Variants in ATF7IP observed in about 807,000 individuals in gnomAD.
The protein encoded by ATF7IP is activating transcription factor 7 interacting protein, also known as activating transcription factor 7-interacting protein 1.
ATF7IP carries 23 observed loss-of-function variants against 106.4 expected under a neutral mutation model. That is an observed-to-expected ratio of 0.22 (90% CI 0.16 to 0.31). ATF7IP has a LOEUF of 0.31. Among genes scored for constraint, ATF7IP ranks in the 10% least tolerant of loss-of-function variants. The probability of loss-of-function intolerance (pLI) is 1.00; values close to 1 mark genes in which losing one functional copy is unlikely to be tolerated. For synonymous variants in ATF7IP, 542 were observed against 539.0 expected (o/e 1.01, Z -0.08); for missense variants, 1,334 against 1,524.3 (o/e 0.88, Z 2.08).
intron 10 of ATF7IP, among the ~76,000 whole-genome samples, chr12:14,474,190 T>G (rs766708075): frequency 3.9e-5 from 6 of 151,958 alleles, no homozygotes; most frequent in Non-Finnish European, 8.8e-5. Flanking sequence ...TGTTTTTCTT[T>G]GTGTCCTATG....
intron 1 of ATF7IP, among the ~76,000 whole-genome samples, chr12:14,375,745 T>C (rs144324275): frequency 6.6e-6 from 1 of 152,336 alleles, no homozygotes; most frequent in African/African-American, 2.4e-5. Context: ...TGATTAGATA[T>C]ATAAAATGCT....
intron 1 of ATF7IP, chr12:14,369,321 T>G (rs1938437738): frequency 6.6e-6 from 1 of 152,100 alleles, no homozygotes; most frequent in South Asian, 2.1e-4. Flanking sequence ...TTACCTGTTG[T>G]AAGGTGAATT....
At chr12:14,435,416 G>A (rs890057086) in intron 3 of ATF7IP, among the ~76,000 whole-genome samples, 4 of 152,128 alleles carry the variant, frequency 2.6e-5, no homozygotes, top group African/African-American at 9.7e-5. Flanking sequence ...GAGCATTTGC[G>A]TTTAAAAAGT....
intron 1 of ATF7IP, among the ~76,000 whole-genome samples, chr12:14,423,224 G>A (rs886389866): frequency 1.3e-5 from 2 of 151,840 alleles, no homozygotes; most frequent in African/African-American, 2.4e-5. Flanking sequence ...TTTAAATTGG[G>A]TGATTTATTA....
chr12:14,496,691 G>A (rs1021223750), intron 14 of ATF7IP, among the ~76,000 whole-genome samples: 1 of 152,076 alleles, frequency 6.6e-6, no homozygotes, highest in Non-Finnish European at 1.5e-5. Flanking sequence ...TCTAAACTAT[G>A]CCACATCTAA....
chr12:14,466,873 C>T (rs1943854290), intron 10 of ATF7IP, among the ~76,000 whole-genome samples: 1 of 152,100 alleles, frequency 6.6e-6, no homozygotes, highest in African/African-American at 2.4e-5. Flanking sequence ...TTTGCCTTTA[C>T]ATACTGTAAA....
At chr12:14,450,248 C>T (rs1943148023) in intron 6 of ATF7IP, among the ~76,000 whole-genome samples, 1 of 152,140 alleles carries the variant, frequency 6.6e-6, no homozygotes, top group Admixed American at 6.5e-5. Context: ...AATTCCTGAT[C>T]TTAGAAGGAA....
intron 13 of ATF7IP, among the ~76,000 whole-genome samples, chr12:14,494,416 A>T (rs1467337177): frequency 7.0e-6 from 1 of 142,684 alleles, no homozygotes; most frequent in Non-Finnish European, 1.5e-5. Flanking sequence ...AACTAATAGG[A>T]TATATATATT....
intron 1 of ATF7IP, among the ~76,000 whole-genome samples, chr12:14,412,593 TAATC>T (rs1940981722): frequency 6.6e-6 from 1 of 152,220 alleles, no homozygotes; most frequent in Non-Finnish European, 1.5e-5. Flanking sequence ...TTTTATATGT[TAATC>T]TTATTATAGT....
At chr12:14,377,047 T>A (rs958263294) in intron 1 of ATF7IP, among the ~76,000 whole-genome samples, 3 of 152,210 alleles carry the variant, frequency 2.0e-5, no homozygotes, top group East Asian at 3.8e-4. Flanking sequence ...CAGGCTGGAA[T>A]GCAGTGGCAT....
chr12:14,434,333 A>G lies in ATF7IP; in HGVS notation c.1559-4A>G, dbSNP rs762280482. Reference sequence around the variant, plus strand: ...AAGATTTTCTTTTCTATATTTGTTAACAGCAGAAGTAGAAAGTAATGAAAA... The same window carrying G: ...AAGATTTTCTTTTCTATATTTGTTAGCAGCAGAAGTAGAAAGTAATGAAAA... On this transcript the variant is annotated splice_region_variant and splice_polypyrimidine_tract_variant and intron_variant, in intron 2 of 14. Coordinates refer to ENST00000261168, the MANE Select transcript of ATF7IP (RefSeq NM_018179.5). 1.4e-6 allele frequency: 2 copies of G among 1,479,834 alleles called. No homozygotes were observed. The highest frequency in any genetic ancestry group is 2.3e-5 in the East Asian group (1 of 42,568). The allele number at this position is 1,479,834 out of a possible 1,614,324, so 91.7% of individuals were successfully genotyped here. A position where few individuals can be genotyped will look rare whatever the true frequency, so the allele number is the denominator to read the frequency against.
At chr12:14,418,138 A>T (rs541874095) in intron 1 of ATF7IP, among the ~76,000 whole-genome samples, 1 of 151,888 alleles carries the variant, frequency 6.6e-6, no homozygotes, top group South Asian at 2.1e-4. Context: ...CAAAAATTTG[A>T]AAAAAAAATT....
intron 5 of ATF7IP, among the ~76,000 whole-genome samples, chr12:14,441,646 C>T (rs766592385): frequency 1.2e-4 from 19 of 152,084 alleles, no homozygotes; most frequent in African/African-American, 3.9e-4. Context: ...TCTGCCACCA[C>T]GCCCGGCCAA....
chr12:14,463,647 G>A (rs1943719975), intron 9 of ATF7IP, among the ~76,000 whole-genome samples: 1 of 152,118 alleles, frequency 6.6e-6, no homozygotes, highest in South Asian at 2.1e-4. Context: ...GTTTTTGTAG[G>A]GGGTAATGTG....
chr12:14,413,838 A>G (rs910048376), intron 1 of ATF7IP, among the ~76,000 whole-genome samples: 2 of 152,158 alleles, frequency 1.3e-5, no homozygotes, highest in Admixed American at 6.5e-5. Context: ...ATAAACATCA[A>G]ATTCAAGATT....
At position 14,460,645 on chromosome 12, in the gene ATF7IP, G is replaced by T. The variant is rs764840903; in HGVS notation, c.2309G>T (p.Gly770Val). 1 of 1,614,100 alleles carries T rather than the reference G, an allele frequency of 6.2e-7. No individual in the cohort carries two copies. The highest frequency in any genetic ancestry group is 1.7e-5 in the Admixed American group (1 of 60,004). Residue 770 changes from glycine to valine, a missense_variant, in exon 9 of 15, where the codon GGA becomes GTA. Around this residue, in one of 10 missense-constraint regions of ATF7IP, gnomAD observed 171 missense variants for 172.6 expected, o/e 0.99. Coordinates refer to ENST00000261168, the MANE Select transcript of ATF7IP (RefSeq NM_018179.5). ...GTTGCTACTACTCAGGTGCCTAGTG[G>T]AAATCCCCAGCCTACAATCTCTTTA... ...TVVATTQVPS[G>V]NPQPTISLQP...
At chr12:14,393,111 A>G (rs959860430) in intron 1 of ATF7IP, among the ~76,000 whole-genome samples, 2 of 152,312 alleles carry the variant, frequency 1.3e-5, no homozygotes, top group African/African-American at 4.8e-5. Flanking sequence ...AAATACTTAC[A>G]TCCATGTTAT....
chr12:14,428,139 T>A (rs1402646086), intron 2 of ATF7IP, among the ~76,000 whole-genome samples: 2 of 146,428 alleles, frequency 1.4e-5, no homozygotes, highest in Non-Finnish European at 1.5e-5. Context: ...ATAAGTCCTT[T>A]AAAAAAAAAA....
chr12:14,444,174 A>G (rs1473337572), intron 5 of ATF7IP, among the ~76,000 whole-genome samples: 1 of 152,208 alleles, frequency 6.6e-6, no homozygotes, highest in Non-Finnish European at 1.5e-5. Flanking sequence ...TATGACTTAG[A>G]AAATGCCATT....
Sources: allele counts gnomAD v4.1 joint callset (sites outside exome capture counted in the v4.1 genomes callset), GRCh38; gene constraint gnomAD v4.1.1; regional missense constraint gnomAD v4.1.1; transcripts MANE v1.5; gene names NCBI Gene and HGNC (gene_info 2026-07-23, HGNC 2026-07-21).